The following CHRM2 variants were observed in gnomAD, a reference collection of about 807,000 sequenced individuals.
The protein encoded by CHRM2 is muscarinic acetylcholine receptor M2.
A neutral mutation model predicts 25.0 loss-of-function variants in CHRM2; 8 were observed. The observed-to-expected ratio is 0.32, with a 90% confidence interval of 0.19 to 0.58. CHRM2 has a LOEUF of 0.58. Ranked by LOEUF, CHRM2 falls within the 20% of genes least tolerant of loss-of-function variation. The pLI is 0.88. For missense variants in CHRM2, 440 were observed against 567.1 expected (o/e 0.78, Z 2.28); for synonymous variants, 202 against 205.7 (o/e 0.98, Z 0.15).
At chr7:136,955,127 T>C (rs1800646060) in intron 2 of CHRM2, among the ~76,000 whole-genome samples, 1 of 152,196 alleles carries the variant, frequency 6.6e-6, no homozygotes, top group Non-Finnish European at 1.5e-5. Flanking sequence ...AAAGTTCGTG[T>C]TTTCTTTCAC....
intron 2 of CHRM2, among the ~76,000 whole-genome samples, chr7:136,952,256 G>A (rs1161629823): frequency 6.6e-6 from 1 of 152,140 alleles, no homozygotes; most frequent in Non-Finnish European, 1.5e-5. Flanking sequence ...ACTATGCCAT[G>A]TTCTCTCACT....
chr7:136,977,446 G>C (rs1169011895), intron 2 of CHRM2, among the ~76,000 whole-genome samples: 1 of 151,982 alleles, frequency 6.6e-6, no homozygotes, highest in Non-Finnish European at 1.5e-5. Flanking sequence ...ACGATAGACA[G>C]TGGGTTTACA....
intron 2 of CHRM2, among the ~76,000 whole-genome samples, chr7:136,925,274 G>A (rs1351093840): frequency 6.6e-6 from 1 of 152,046 alleles, no homozygotes; most frequent in Admixed American, 6.6e-5. Flanking sequence ...CAGATATCCG[G>A]TTGCTGGCCA....
intron 2 of CHRM2, among the ~76,000 whole-genome samples, chr7:136,882,653 A>G (rs1796310394): frequency 6.6e-6 from 1 of 152,082 alleles, no homozygotes; most frequent in Non-Finnish European, 1.5e-5. Flanking sequence ...TTCTAGGTAA[A>G]ATTTTTCTTT....
Position 137,017,539 on chromosome 7 carries a change from C to CT in CHRM2, c.*1274dup, listed in dbSNP as rs1353043288. Reference sequence around the variant, plus strand: ...CCAAGTGAGGATGTCTGCAATTATCCTATGACCCCATGAAAGGGGAAAAAA... The same window carrying CT: ...CCAAGTGAGGATGTCTGCAATTATCCTTATGACCCCATGAAAGGGGAAAAAA... On this transcript the variant is annotated 3_prime_UTR_variant, in exon 4 of 4. Transcript: ENST00000680005. 6.6e-6 allele frequency: 1 copy of CT among 151,928 alleles called. No homozygotes were observed. The highest frequency in any genetic ancestry group is 1.5e-5 in the Non-Finnish European group (1 of 67,938). The allele number at this position is 151,928 out of a possible 1,614,324, so 9.4% of individuals were successfully genotyped here. A position where few individuals can be genotyped will look rare whatever the true frequency, so the allele number is the denominator to read the frequency against.
At chr7:136,919,662 C>T (rs1323407739) in intron 2 of CHRM2, among the ~76,000 whole-genome samples, 1 of 152,040 alleles carries the variant, frequency 6.6e-6, no homozygotes, top group African/African-American at 2.4e-5. Flanking sequence ...TGTATAGTTC[C>T]CCCAATGTAC....
intron 2 of CHRM2, among the ~76,000 whole-genome samples, chr7:136,893,845 G>C (rs1563049874): frequency 6.6e-6 from 1 of 152,134 alleles, no homozygotes; most frequent in Non-Finnish European, 1.5e-5. Context: ...GATGATAGAT[G>C]GGGAGCAAAG....
intron 2 of CHRM2, among the ~76,000 whole-genome samples, chr7:136,991,463 G>C (rs1236467022): frequency 6.6e-6 from 1 of 152,028 alleles, no homozygotes; most frequent in Non-Finnish European, 1.5e-5. Context: ...GTCTATTTCT[G>C]AGCTCTCTAT....
chr7:136,915,134 A>G (rs1400770938), intron 2 of CHRM2, among the ~76,000 whole-genome samples: 1 of 151,886 alleles, frequency 6.6e-6, no homozygotes, highest in Non-Finnish European at 1.5e-5. Flanking sequence ...TAAGAAATGT[A>G]CTTCAGGATT....
intron 2 of CHRM2, among the ~76,000 whole-genome samples, chr7:136,889,156 T>C (rs1287924437): frequency 6.6e-6 from 1 of 152,084 alleles, no homozygotes; most frequent in African/African-American, 2.4e-5. Flanking sequence ...GAATTATTGT[T>C]CTTGAGTGTT....
chr7:136,959,278 G>C (rs1333732296), intron 2 of CHRM2, among the ~76,000 whole-genome samples: 2 of 152,182 alleles, frequency 1.3e-5, no homozygotes, highest in African/African-American at 4.8e-5. Context: ...ACATTAAAAT[G>C]TAACTCAGAG....
chr7:136,895,738 G>A (rs1424386), intron 2 of CHRM2, among the ~76,000 whole-genome samples: 98,022 of 151,980 alleles, frequency 0.64, 32,279 homozygotes, highest in African/African-American at 0.76. Flanking sequence ...TTGGCCAATC[G>A]CTTTGTTGTC....
intron 2 of CHRM2, among the ~76,000 whole-genome samples, chr7:136,883,166 G>A (rs949849745): frequency 1.3e-5 from 2 of 152,100 alleles, no homozygotes; most frequent in Admixed American, 1.3e-4. Flanking sequence ...AACAGTTACA[G>A]TGGACCTAAG....
chr7:136,949,131 CAA>C (rs1024432228), intron 2 of CHRM2, among the ~76,000 whole-genome samples: 1 of 151,922 alleles, frequency 6.6e-6, no homozygotes, highest in Admixed American at 6.6e-5. Context: ...TGGCTCATTG[CAA>C]AGAGGCCTGT....
chr7:136,934,219 C>T (rs1184184779), intron 2 of CHRM2, among the ~76,000 whole-genome samples: 1 of 152,102 alleles, frequency 6.6e-6, no homozygotes, highest in African/African-American at 2.4e-5. Context: ...TTTTTCTAGT[C>T]ACCAAAGCTT....
intron 2 of CHRM2, among the ~76,000 whole-genome samples, chr7:136,961,978 A>G (rs1185945855): frequency 1.3e-5 from 2 of 151,968 alleles, no homozygotes; most frequent in African/African-American, 4.8e-5. Context: ...CAGTGTTTTG[A>G]GGGCACAAAC....
chr7:136,938,421 G>A, intron 2 of CHRM2: 4 of 1,441,374 alleles, frequency 2.8e-6, no homozygotes, highest in Non-Finnish European at 3.9e-6. Context: ...CTATGAAGGA[G>A]GCAAACTTCT....
chr7:136,873,978 T>G (rs1214316580), intron 2 of CHRM2, among the ~76,000 whole-genome samples: 1 of 152,218 alleles, frequency 6.6e-6, no homozygotes, highest in Non-Finnish European at 1.5e-5. Context: ...ACAGAAGTTC[T>G]TTTGTCTGAT....
At chr7:136,935,524 T>C (rs930555104) in intron 2 of CHRM2, among the ~76,000 whole-genome samples, 3 of 152,194 alleles carry the variant, frequency 2.0e-5, no homozygotes, top group Admixed American at 6.5e-5. Flanking sequence ...GGAACTGATA[T>C]TTACAAATTG....
Sources: allele counts gnomAD v4.1 joint callset (sites outside exome capture counted in the v4.1 genomes callset), GRCh38; gene constraint gnomAD v4.1.1; transcripts MANE v1.5; gene names NCBI Gene and HGNC (gene_info 2026-07-23, HGNC 2026-07-21).